The following PTPRZ1 variants were observed in gnomAD, a reference collection of about 807,000 sequenced individuals.
The protein encoded by PTPRZ1 is protein tyrosine phosphatase receptor type Z1.
A neutral mutation model predicts 214.1 loss-of-function variants in PTPRZ1; 82 were observed. That is an observed-to-expected ratio of 0.38 (90% CI 0.32 to 0.46). PTPRZ1 has a LOEUF of 0.46. PTPRZ1 is among the 20% of genes least tolerant of loss of function. PTPRZ1 has a pLI of 1.00. For missense variants in PTPRZ1, 2,603 were observed against 2,748.7 expected (o/e 0.95, Z 1.19); for synonymous variants, 945 against 987.9 (o/e 0.96, Z 0.81).
intron 2 of PTPRZ1, among the ~76,000 whole-genome samples, chr7:121,960,741 C>T (rs1326502996): frequency 2.0e-5 from 3 of 152,114 alleles, no homozygotes; most frequent in Admixed American, 6.6e-5. Flanking sequence ...CAAAAACCTG[C>T]ATTGGTATTT....
chr7:121,903,196 CTG>C (rs762985248), intron 1 of PTPRZ1, among the ~76,000 whole-genome samples: 2 of 152,058 alleles, frequency 1.3e-5, no homozygotes, highest in African/African-American at 2.4e-5. Flanking sequence ...GGTTGGGCAA[CTG>C]TGTTATTATA....
intron 2 of PTPRZ1, among the ~76,000 whole-genome samples, chr7:121,931,732 T>C (rs1351033489): frequency 6.6e-6 from 1 of 152,214 alleles, no homozygotes; most frequent in Non-Finnish European, 1.5e-5. Context: ...CTCCTTTTAA[T>C]GGGCTGAGTA....
intron 10 of PTPRZ1, 22 bp from the exon 11 acceptor site, chr7:122,004,592 A>G: frequency 8.0e-7 from 1 of 1,243,922 alleles, no homozygotes. Flanking sequence ...AAACTTTAAT[A>G]ATTTTGTTTT....
chr7:122,049,743 C>T (rs149342939), intron 23 of PTPRZ1, among the ~76,000 whole-genome samples: 1 of 152,034 alleles, frequency 6.6e-6, no homozygotes, highest in Admixed American at 6.6e-5. Flanking sequence ...CAGTATCAAT[C>T]GAATTTATGG....
At chr7:121,987,138 T>G (rs1797783348) in intron 8 of PTPRZ1, among the ~76,000 whole-genome samples, 1 of 152,230 alleles carries the variant, frequency 6.6e-6, no homozygotes, top group South Asian at 2.1e-4. Flanking sequence ...CCATCAGTTT[T>G]TATTCTAAAA....
intron 1 of PTPRZ1, among the ~76,000 whole-genome samples, chr7:121,922,383 C>G (rs758669792): frequency 8.5e-5 from 13 of 152,056 alleles, no homozygotes; most frequent in African/African-American, 1.9e-4. Flanking sequence ...ATGGTGAAAC[C>G]CTGTCTCTAC....
intron 12 of PTPRZ1, among the ~76,000 whole-genome samples, chr7:122,018,895 G>C (rs1470040445): frequency 1.3e-5 from 2 of 151,952 alleles, no homozygotes; most frequent in African/African-American, 4.8e-5. Context: ...CCCCTATCTG[G>C]GTGCCAATCT....
At chr7:121,941,901 T>C (rs367936231) in intron 2 of PTPRZ1, among the ~76,000 whole-genome samples, 3 of 152,204 alleles carry the variant, frequency 2.0e-5, no homozygotes, top group African/African-American at 7.2e-5. Flanking sequence ...GGTCATATTA[T>C]ACATTTGCAT....
intron 6 of PTPRZ1, among the ~76,000 whole-genome samples, chr7:121,978,321 T>G (rs564554344): frequency 6.6e-6 from 1 of 152,306 alleles, no homozygotes; most frequent in Admixed American, 6.5e-5. Context: ...TCTCTGTCTC[T>G]CTACCTCACT....
At position 121,972,567 on chromosome 7, in the gene PTPRZ1, C is replaced by T. The variant is rs745427692; in HGVS notation, c.331C>T (p.Arg111Cys). The change falls in exon 4 of 30, where the codon CGT (arginine) becomes TGT (cysteine). Residue 111 changes from arginine to cysteine, a missense_variant. By Grantham distance (180) the Arg-to-Cys change is radical. Around this residue, in one of 6 missense-constraint regions of PTPRZ1, gnomAD observed 141 missense variants for 143.7 expected, o/e 0.98. Transcript: ENST00000393386. Reference sequence around the variant, plus strand: ...GGAAATTAATCTCACTAATGACTACCGTGTCAGCGGAGGAGTTTCAGAAAT... The same window carrying T: ...GGAAATTAATCTCACTAATGACTACTGTGTCAGCGGAGGAGTTTCAGAAAT... ...TVEINLTNDY[R>C]VSGGVSEMVF... 2.0e-5 allele frequency: 32 copies of T among 1,611,342 alleles called. No individual in the cohort carries two copies. Among genetic ancestry groups the T allele is most frequent in the East Asian group, 1.3e-4 (6 of 44,762 alleles).
intron 23 of PTPRZ1, among the ~76,000 whole-genome samples, chr7:122,046,018 C>A (rs1021329537): frequency 6.6e-6 from 1 of 152,124 alleles, no homozygotes; most frequent in African/African-American, 2.4e-5. Context: ...TTATCAGACA[C>A]CTGCCAGATG....
chr7:122,044,667 G>A lies in PTPRZ1; in HGVS notation c.6084+99G>A. On this transcript the variant is annotated intron_variant, in intron 23 of 29. Coordinates refer to ENST00000393386, the MANE Select transcript of PTPRZ1 (RefSeq NM_002851.3). ...AGGGTCACGTTGAGTGGGCAGTATG[G>A]GTACAATGACTTTGTATTTGAGCCA... 1.4e-5 allele frequency: 17 copies of A among 1,214,234 alleles called. No individual in the cohort carries two copies. The South Asian group carries it at 2.4e-4, about 17-fold the overall frequency. The allele number at this position is 1,214,234 out of a possible 1,614,324, so 75.2% of individuals were successfully genotyped here. A position where few individuals can be genotyped will look rare whatever the true frequency, so the allele number is the denominator to read the frequency against.
intron 2 of PTPRZ1, among the ~76,000 whole-genome samples, chr7:121,953,379 T>C (rs1446228078): frequency 6.6e-6 from 1 of 152,206 alleles, no homozygotes; most frequent in East Asian, 1.9e-4. Flanking sequence ...ATAGTCAGAC[T>C]GGGAAAAGGT....
In PTPRZ1 at chr7:122,055,017, C is replaced by A. The variant is rs537451340; in HGVS notation, c.6458C>A (p.Ala2153Asp). ...GAGAGCTTTAAGGTCACTCTTATGGCTGAAGAACACAAATGTCTATCTAAT... is the reference window on the plus strand; with the variant it reads ...GAGAGCTTTAAGGTCACTCTTATGGATGAAGAACACAAATGTCTATCTAAT... The part of the protein sequence containing the change: ...NCESFKVTLM[A>D]EEHKCLSNEE... Residue 2153 changes from alanine (A) to aspartate (D), a missense_variant, in exon 27 of 30, where the codon GCT (alanine) becomes GAT (aspartate). Ala to Asp is a moderately radical substitution (Grantham distance 126, BLOSUM62 -2). Coordinates refer to ENST00000393386, the MANE Select transcript of PTPRZ1 (RefSeq NM_002851.3). 1 of 1,604,696 alleles carries A rather than the reference C, an allele frequency of 6.2e-7. No individual in the cohort carries two copies. Among genetic ancestry groups the A allele is most frequent in the African/African-American group, 1.3e-5 (1 of 74,736 alleles).
intron 27 of PTPRZ1, 102 bp downstream of exon 27, chr7:122,055,189 T>G (rs1792311499): frequency 1.0e-6 from 1 of 1,000,034 alleles, no homozygotes; most frequent in Non-Finnish European, 1.4e-6. Context: ...GATTCTGATT[T>G]TTTCCCCATT....
At chr7:121,918,813 A>G (rs1188908928) in intron 1 of PTPRZ1, among the ~76,000 whole-genome samples, 1 of 150,976 alleles carries the variant, frequency 6.6e-6, no homozygotes, top group African/African-American at 2.4e-5. Flanking sequence ...ATAAAATAGT[A>G]TCATAACTGT....
chr7:121,985,319 A>G, intron 8 of PTPRZ1, among the ~76,000 whole-genome samples: 1 of 152,196 alleles, frequency 6.6e-6, no homozygotes, highest in East Asian at 1.9e-4. Context: ...CTTAAATATA[A>G]TAGACCAAAT....
At chr7:122,023,720 ATAT>A (rs1304030649) in intron 13 of PTPRZ1, among the ~76,000 whole-genome samples, 2 of 132,704 alleles carry the variant, frequency 1.5e-5, no homozygotes, top group Admixed American at 8.5e-5. Flanking sequence ...ATAATTATAT[ATAT>A]TATATGTATA....
At chr7:121,972,245 C>T (rs1213586865) in intron 3 of PTPRZ1, among the ~76,000 whole-genome samples, 3 of 151,988 alleles carry the variant, frequency 2.0e-5, no homozygotes, top group Non-Finnish European at 4.4e-5. Flanking sequence ...GGAAGCAGAG[C>T]TTTCAAGTAA....
Sources: allele counts gnomAD v4.1 joint callset (sites outside exome capture counted in the v4.1 genomes callset), GRCh38; gene constraint gnomAD v4.1.1; regional missense constraint gnomAD v4.1.1; transcripts MANE v1.5; gene names NCBI Gene and HGNC (gene_info 2026-07-23, HGNC 2026-07-21).